The following MORC3 variants were observed in gnomAD, a reference collection of about 807,000 sequenced individuals.
MORC3 encodes MORC family CW-type zinc finger 3.
A neutral mutation model predicts 109.1 loss-of-function variants in MORC3; 31 were observed. That is an observed-to-expected ratio of 0.28 (90% CI 0.21 to 0.38). The LOEUF (loss-of-function observed/expected upper bound fraction) is 0.38, where lower values mean the gene tolerates loss of function less well. MORC3 is among the 10% of genes least tolerant of loss of function. MORC3 has a pLI of 1.00. For synonymous variants in MORC3, 395 were observed against 380.7 expected (o/e 1.04, Z -0.44); for missense variants, 867 against 1,135.8 (o/e 0.76, Z 3.40).
chr21:36,331,526 C>G (rs763989655), intron 1 of MORC3, among the ~76,000 whole-genome samples: 8 of 151,948 alleles, frequency 5.3e-5, no homozygotes, highest in African/African-American at 7.3e-5. Flanking sequence ...TAAGTAAACC[C>G]GGCGGGCGGA....
chr21:36,354,465 C>T (rs113797787), intron 9 of MORC3, among the ~76,000 whole-genome samples: 30 of 151,848 alleles, frequency 2.0e-4, no homozygotes, highest in African/African-American at 3.9e-4. Flanking sequence ...CCATCACGCC[C>T]GGCTAATTTT....
intron 4 of MORC3, among the ~76,000 whole-genome samples, chr21:36,338,355 C>A (rs572469078): frequency 3.3e-5 from 5 of 152,046 alleles, no homozygotes; most frequent in Admixed American, 2.6e-4. Flanking sequence ...ATTTTTTATT[C>A]TTCTTCTTGT....
chr21:36,364,274 T>C lies in MORC3; in HGVS notation c.1619+15T>C. On this transcript the variant is annotated intron_variant, in intron 14 of 16. Coordinates refer to ENST00000400485, the MANE Select transcript of MORC3 (RefSeq NM_015358.3). The stretch of plus-strand genomic sequence containing the variant: ...GAGAGCAACAGGTCAGTGGCTAAGA[T>C]TGGTTTTCCATTTGGGGAATATTAA... The C allele has an allele frequency of 6.2e-7, 1 of 1,610,468 alleles. No homozygotes were observed. Among genetic ancestry groups the C allele is most frequent in the Non-Finnish European group, 8.5e-7 (1 of 1,178,748 alleles).
chr21:36,369,529 A>C lies in MORC3; in HGVS notation c.2161A>C (p.Thr721Pro). ...ENYKRQCHMF[T>P]DQIKVLQQRI... ...TTATAAAAGACAGTGTCATATGTTT[A>C]CTGATCAAATCAAAGTGTTACAACA... The change falls in exon 15 of 17, where the codon ACT (threonine) becomes CCT (proline). Residue 721 changes from threonine (T) to proline (P), a missense_variant. By Grantham distance (38) the Thr-to-Pro change is conservative. Coordinates refer to ENST00000400485, the MANE Select transcript of MORC3 (RefSeq NM_015358.3). 1 of 1,614,232 alleles carries C rather than the reference A, an allele frequency of 6.2e-7. No individual in the cohort carries two copies. The highest frequency in any genetic ancestry group is 2.2e-5 in the East Asian group (1 of 44,888).
At chr21:36,358,635 AT>A (rs1292553583) in intron 10 of MORC3, among the ~76,000 whole-genome samples, 1 of 152,120 alleles carries the variant, frequency 6.6e-6, no homozygotes, top group Non-Finnish European at 1.5e-5. Context: ...AATTAAAAAA[AT>A]AAAAGAATAT....
At chr21:36,321,655 C>T (rs2085194768) in intron 1 of MORC3, among the ~76,000 whole-genome samples, 1 of 151,712 alleles carries the variant, frequency 6.6e-6, no homozygotes, top group South Asian at 2.1e-4. Context: ...TAAAGTCTGG[C>T]CTTACCTAGT....
chr21:36,359,999 A>G lies in MORC3; in HGVS notation c.1253A>G (p.Lys418Arg). ...TGGGTTCAGTGTGATGCCTGTCTAAAGTGGCGGAAATTACCTGATGGGATG... is the reference window on the plus strand; with the variant it reads ...TGGGTTCAGTGTGATGCCTGTCTAAGGTGGCGGAAATTACCTGATGGGATG... The part of the protein sequence containing the change: ...QTWVQCDACL[K>R]WRKLPDGMDQ... The change falls in exon 11 of 17, where the codon AAG becomes AGG. Residue 418 changes from lysine (K) to arginine (R), a missense_variant. Transcript: ENST00000400485. The G allele has an allele frequency of 6.2e-7, 1 of 1,614,210 alleles. No homozygotes were observed. The highest frequency in any genetic ancestry group is 8.5e-7 in the Non-Finnish European group (1 of 1,180,020).
At chr21:36,343,723 A>G (rs2085477420) in intron 6 of MORC3, among the ~76,000 whole-genome samples, 2 of 152,114 alleles carry the variant, frequency 1.3e-5, no homozygotes, top group African/African-American at 4.8e-5. Context: ...CTGGGATTAC[A>G]GGAATGAGCC....
At chr21:36,362,324 C>G in intron 13 of MORC3, 96 bp downstream of exon 13, 1 of 1,363,932 alleles carries the variant, frequency 7.3e-7, no homozygotes, top group South Asian at 1.3e-5. Context: ...AGGTGGATCA[C>G]CTGAGGTCAG....
intron 5 of MORC3, among the ~76,000 whole-genome samples, chr21:36,340,292 A>C (rs970960287): frequency 6.6e-6 from 1 of 151,736 alleles, no homozygotes; most frequent in African/African-American, 2.4e-5. Context: ...AAAAAAAAAA[A>C]AACTATAGTA....
chr21:36,334,172 G>A (rs570883109), intron 2 of MORC3, among the ~76,000 whole-genome samples: 2 of 152,018 alleles, frequency 1.3e-5, no homozygotes, highest in Non-Finnish European at 2.9e-5. Context: ...GGAGGATCAC[G>A]TGAGACCGGG....
chr21:36,341,288 C>T (rs1307779941), intron 5 of MORC3, 111 bp from the exon 6 acceptor site: 4 of 1,005,670 alleles, frequency 4.0e-6, no homozygotes, highest in Admixed American at 2.9e-5. Flanking sequence ...CACTGACGTG[C>T]ACCATGTGTA....
intron 9 of MORC3, among the ~76,000 whole-genome samples, chr21:36,353,623 A>C (rs1162243276): frequency 6.6e-6 from 1 of 151,516 alleles, no homozygotes; most frequent in Non-Finnish European, 1.5e-5. Flanking sequence ...TCTGTCATCC[A>C]GTCTGGAGTG....
At chr21:36,347,492 A>G (rs2085522528) in intron 8 of MORC3, among the ~76,000 whole-genome samples, 4 of 152,208 alleles carry the variant, frequency 2.6e-5, no homozygotes, top group South Asian at 2.1e-4. Context: ...CTAAATTACA[A>G]TGTTTATCTT....
chr21:36,331,321 A>G (rs1433502671), intron 1 of MORC3, among the ~76,000 whole-genome samples: 1 of 152,052 alleles, frequency 6.6e-6, no homozygotes, highest in Non-Finnish European at 1.5e-5. Context: ...GTTTTTGGCC[A>G]GGCACGGTGG....
In MORC3 at chr21:36,369,674, T is replaced by G; in HGVS notation, c.2306T>G (p.Met769Arg). ...INGKSESPDH[M>R]VSQYQQALEE... ...GGCAAATCTGAAAGTCCAGACCATA[T>G]GGTATCTCAGTATCAGCAAGCTTTG... The change falls in exon 15 of 17, where the codon ATG becomes AGG. Residue 769 changes from methionine to arginine, a missense_variant. Around this residue, in one of 7 missense-constraint regions of MORC3, gnomAD observed 486 missense variants for 502.1 expected, o/e 0.97. Coordinates refer to ENST00000400485, the MANE Select transcript of MORC3 (RefSeq NM_015358.3). The G allele has an allele frequency of 6.2e-7, 1 of 1,614,220 alleles. No homozygotes were observed. The highest frequency in any genetic ancestry group is 8.5e-7 in the Non-Finnish European group (1 of 1,180,040).
At chr21:36,365,784 GT>G (rs924950611) in intron 14 of MORC3, among the ~76,000 whole-genome samples, 2 of 152,048 alleles carry the variant, frequency 1.3e-5, no homozygotes, top group African/African-American at 4.8e-5. Flanking sequence ...TTTTCACTGT[GT>G]TAGCCAGGAT....
At chr21:36,320,740 G>GCTGCGGGCCTGC (rs780498073) in intron 1 of MORC3, 120 of 171,072 alleles carry the variant, frequency 7.0e-4, no homozygotes, top group Admixed American at 1.7e-3. Context: ...GGGGGACGGG[G>GCTGCGGGCCTGC]CTGCGGGCCT....
chr21:36,333,624 A>G (rs1183863430), intron 1 of MORC3, 22 bp from the exon 2 acceptor site: 16 of 1,589,260 alleles, frequency 1.0e-5, no homozygotes, highest in East Asian at 2.2e-5. Flanking sequence ...ATTAATTTAC[A>G]TGGACCTTTT....
Sources: gnomAD v4.1 joint callset for allele counts (sites outside exome capture counted in the v4.1 genomes callset) on GRCh38, gnomAD v4.1.1 for gene constraint, gnomAD v4.1.1 regional missense constraint, MANE v1.5 for transcripts, NCBI Gene and HGNC (gene_info 2026-07-23, HGNC 2026-07-21) for gene names.